ZFAND3: variants seen among roughly 807,000 people sequenced by gnomAD.
The protein encoded by ZFAND3 is zinc finger AN1-type containing 3, also known as AN1-type zinc finger protein 3.
In ZFAND3, 10 loss-of-function variants were observed where a neutral mutation model predicts 29.6. The ratio of observed to expected loss-of-function variants is 0.34; its 90% CI spans 0.21 to 0.57. The LOEUF (loss-of-function observed/expected upper bound fraction) is 0.57. ZFAND3 is among the 20% of genes least tolerant of loss of function. ZFAND3 has a pLI of 0.86. For synonymous variants in ZFAND3, 128 were observed against 112.6 expected (o/e 1.14, Z -0.87); for missense variants, 230 against 304.5 (o/e 0.76, Z 1.82).
At chr6:38,082,247 C>T in intron 3 of ZFAND3, 145 bp from the exon 4 acceptor site, 1 of 649,848 alleles carries the variant, frequency 1.5e-6, no homozygotes, top group Non-Finnish European at 2.6e-6. Flanking sequence ...AATTAACCCA[C>T]CACCACCGTC....
At chr6:37,862,455 G>A (rs964489237) in intron 1 of ZFAND3, among the ~76,000 whole-genome samples, 2 of 151,966 alleles carry the variant, frequency 1.3e-5, no homozygotes, top group African/African-American at 4.8e-5. Flanking sequence ...GGGAGGCTGA[G>A]GCTGGAGGAT....
At chr6:38,031,334 A>G (rs527369645) in intron 2 of ZFAND3, among the ~76,000 whole-genome samples, 19 of 152,304 alleles carry the variant, frequency 1.2e-4, no homozygotes, top group Admixed American at 6.5e-4. Flanking sequence ...TTCATCTTCT[A>G]TACTACTATT....
At chr6:38,094,878 G>A (rs1277852920) in intron 4 of ZFAND3, among the ~76,000 whole-genome samples, 1 of 151,986 alleles carries the variant, frequency 6.6e-6, no homozygotes, top group African/African-American at 2.4e-5. Context: ...ATACTTACTG[G>A]TTGATCATCC....
intron 2 of ZFAND3, among the ~76,000 whole-genome samples, chr6:38,026,181 A>G (rs1327660883): frequency 1.3e-5 from 2 of 152,058 alleles, no homozygotes; most frequent in Non-Finnish European, 2.9e-5. Flanking sequence ...CCCTAAATAC[A>G]CTTACATCCA....
chr6:38,135,227 C>T (rs1765816942), intron 5 of ZFAND3, among the ~76,000 whole-genome samples: 1 of 152,194 alleles, frequency 6.6e-6, no homozygotes, highest in African/African-American at 2.4e-5. Flanking sequence ...GGCTAGCACA[C>T]TTCAGATCTG....
intron 1 of ZFAND3, among the ~76,000 whole-genome samples, chr6:37,896,523 T>TTTCG (rs1765210332): frequency 1.9e-5 from 2 of 106,898 alleles, no homozygotes; most frequent in Non-Finnish European, 3.6e-5. Flanking sequence ...CTTTTCTTTC[T>TTTCG]TTCTTTCTTT....
At chr6:37,869,916 C>A (rs7760770) in intron 1 of ZFAND3, among the ~76,000 whole-genome samples, 1 of 149,778 alleles carries the variant, frequency 6.7e-6, no homozygotes, top group Non-Finnish European at 1.5e-5. Context: ...TTCTTTCTTT[C>A]CTTCTATGTT....
intron 2 of ZFAND3, among the ~76,000 whole-genome samples, chr6:37,937,452 C>G (rs760026408): frequency 1.4e-3 from 206 of 151,810 alleles, no homozygotes; most frequent in Non-Finnish European, 2.1e-3. Flanking sequence ...GTCAGGAGAT[C>G]GAGACCAACC....
intron 2 of ZFAND3, among the ~76,000 whole-genome samples, chr6:38,046,668 G>A (rs1023498802): frequency 6.6e-5 from 10 of 152,158 alleles, no homozygotes; most frequent in African/African-American, 2.4e-4. Context: ...GAATGAGCCT[G>A]ACTCGTAATC....
intron 4 of ZFAND3, among the ~76,000 whole-genome samples, chr6:38,109,193 T>C (rs1349552969): frequency 1.3e-5 from 2 of 150,534 alleles, no homozygotes; most frequent in Non-Finnish European, 3.0e-5. Context: ...TTTTTTTTTT[T>C]TTTTCTTGAG....
chr6:38,046,613 A>T (rs1763908879), intron 2 of ZFAND3, among the ~76,000 whole-genome samples: 1 of 152,262 alleles, frequency 6.6e-6, no homozygotes, highest in African/African-American at 2.4e-5. Context: ...TAAATAAAAA[A>T]ATTTAATACA....
At chr6:37,924,749 A>G (rs371799057) in intron 1 of ZFAND3, among the ~76,000 whole-genome samples, 1 of 151,892 alleles carries the variant, frequency 6.6e-6, no homozygotes, top group African/African-American at 2.4e-5. Flanking sequence ...TGAGCCTAGG[A>G]GGTCAAGGCT....
intron 1 of ZFAND3, among the ~76,000 whole-genome samples, chr6:37,841,814 C>T (rs1236875610): frequency 6.6e-6 from 1 of 152,148 alleles, no homozygotes; most frequent in Non-Finnish European, 1.5e-5. Flanking sequence ...AATTTATATA[C>T]AGTGAAAAAT....
intron 4 of ZFAND3, among the ~76,000 whole-genome samples, chr6:38,103,401 A>G (rs1367534312): frequency 1.4e-5 from 2 of 147,044 alleles, no homozygotes; most frequent in Non-Finnish European, 3.0e-5. Flanking sequence ...ACACATATAT[A>G]TACACACACA....
At chr6:38,109,853 A>AG (rs1172076249) in intron 4 of ZFAND3, among the ~76,000 whole-genome samples, 1 of 152,060 alleles carries the variant, frequency 6.6e-6, no homozygotes, top group Non-Finnish European at 1.5e-5. Flanking sequence ...GAGGACCAAA[A>AG]TCTGATTGGT....
intron 2 of ZFAND3, among the ~76,000 whole-genome samples, chr6:38,008,765 G>A (rs1308035303): frequency 1.3e-5 from 2 of 151,796 alleles, no homozygotes; most frequent in Admixed American, 6.6e-5. Flanking sequence ...TTAAGTTTAA[G>A]CTTCTTGAGG....
chr6:38,129,385 A>C (rs527533307), intron 5 of ZFAND3, among the ~76,000 whole-genome samples: 2 of 152,340 alleles, frequency 1.3e-5, no homozygotes, highest in African/African-American at 4.8e-5. Flanking sequence ...GTTATTGGTC[A>C]TGAAATCCTT....
At chr6:37,977,986 C>T (rs1325002241) in intron 2 of ZFAND3, among the ~76,000 whole-genome samples, 1 of 151,188 alleles carries the variant, frequency 6.6e-6, no homozygotes, top group Non-Finnish European at 1.5e-5. Context: ...GGCTAGAGTG[C>T]AGTGGCTTGA....
At chr6:37,856,670 A>G (rs757805471) in intron 1 of ZFAND3, among the ~76,000 whole-genome samples, 5 of 152,004 alleles carry the variant, frequency 3.3e-5, no homozygotes, top group Non-Finnish European at 7.4e-5. Flanking sequence ...TGTGCCTAAT[A>G]CCTTTGTATT....
Sources: allele counts gnomAD v4.1 joint callset (sites outside exome capture counted in the v4.1 genomes callset), GRCh38; gene constraint gnomAD v4.1.1; transcripts MANE v1.5; gene names NCBI Gene and HGNC (gene_info 2026-07-23, HGNC 2026-07-21).